Variants in DYNC2H1 observed in about 807,000 individuals in gnomAD.
DYNC2H1 encodes the protein dynein cytoplasmic 2 heavy chain 1, also known as cytoplasmic dynein 2 heavy chain 1.
Under a neutral mutation model 570.0 loss-of-function variants are expected in DYNC2H1, and 410 were observed. The observed-to-expected ratio is 0.72, with a 90% confidence interval of 0.66 to 0.78. The LOEUF is 0.78. Among genes scored for constraint, DYNC2H1 ranks in the 30% least tolerant of loss-of-function variants. The pLI, the probability that DYNC2H1 is intolerant of heterozygous loss-of-function variation, is 0.00. For missense variants in DYNC2H1, 4,865 were observed against 5,046.4 expected, an observed-to-expected ratio of 0.96 and a Z score of 1.09; for synonymous variants, 1,688 against 1,677.6, an observed-to-expected ratio of 1.01 and a Z score of -0.15.
rs1268615117 is a variant in DYNC2H1, at chr11:103,326,824, C to G, written c.12039+2834C>G. Among the ~76,000 whole-genome samples the G allele has an allele frequency of 2.0e-5, 3 of 152,144 alleles. No homozygotes were observed. The highest frequency in any genetic ancestry group is 4.4e-5 in the Non-Finnish European group (3 of 67,992). On this transcript the variant is annotated intron_variant, in intron 82 of 88. Transcript: ENST00000375735. The surrounding 1 kb of genome is among the most constrained non-coding windows in gnomAD (Gnocchi z 6.1). ...TGGCAGTCAGCTGATGCTAGAGCCT[C>G]TAGGAGGGTGATGAGGACCCCTGGG...
intron 12 of DYNC2H1, among the ~76,000 whole-genome samples, chr11:103,127,132 A>G (rs749482985): frequency 2.0e-5 from 3 of 152,184 alleles, no homozygotes; most frequent in African/African-American, 7.2e-5. Flanking sequence ...AAGAGTGTAC[A>G]TATGTTTTTC....
chr11:103,143,463 C>A (rs1860074009), intron 18 of DYNC2H1, 68 bp downstream of exon 18: 1 of 1,442,824 alleles, frequency 6.9e-7, no homozygotes, highest in East Asian at 2.4e-5. Context: ...AGGGAGCTCT[C>A]TACTTAGTGG....
intron 85 of DYNC2H1, among the ~76,000 whole-genome samples, chr11:103,444,540 C>G (rs995811435): frequency 3.3e-5 from 5 of 152,048 alleles, no homozygotes; most frequent in Admixed American, 2.0e-4. Context: ...AGGCAAATAA[C>G]AGATCCTGGC....
At position 103,152,181 on chromosome 11, in the gene DYNC2H1, C is replaced by T. The variant is rs756008276; in HGVS notation, c.2992C>T (p.Arg998Ter). The change falls in exon 21 of 89, where the codon CGA becomes TGA. Residue 998 changes from arginine (R) to a stop codon, truncating the protein, a stop_gained. Coordinates refer to ENST00000375735, the MANE Select transcript of DYNC2H1 (RefSeq NM_001377.3). LOFTEE classifies it high-confidence loss of function. ...AGCTGAAGACAAAAACAGACTTTTACGAACTGTGGCTGGTGGAGGTTTAGA... is the reference window on the plus strand; with the variant it reads ...AGCTGAAGACAAAAACAGACTTTTATGAACTGTGGCTGGTGGAGGTTTAGA... Reference protein sequence around the residue: ...QEAEDKNRLLRTVAGGGLETI... With the variant: ...QEAEDKNRLL The T allele has an allele frequency of 1.1e-5, 18 of 1,603,052 alleles. No homozygotes were observed. The highest frequency in any genetic ancestry group is 3.4e-5 in the Admixed American group (2 of 59,158).
intron 83 of DYNC2H1, among the ~76,000 whole-genome samples, chr11:103,388,134 A>G (rs1047481618): frequency 6.6e-6 from 1 of 152,190 alleles, no homozygotes; most frequent in African/African-American, 2.4e-5. Context: ...CCTACCCATG[A>G]GCATGGAATG....
chr11:103,285,411 CT>C (rs1343737136), intron 73 of DYNC2H1, among the ~76,000 whole-genome samples: 3 of 117,254 alleles, frequency 2.6e-5, no homozygotes, highest in African/African-American at 3.2e-5. Flanking sequence ...AGGAATTTTT[CT>C]TTTTTTCTTT....
chr11:103,199,333 G>T lies in DYNC2H1; in HGVS notation c.7945G>T (p.Gly2649Cys), dbSNP rs758155107. 13 of 1,611,896 alleles carry T rather than the reference G, an allele frequency of 8.1e-6. No individual in the cohort carries two copies. The highest frequency in any genetic ancestry group is 2.7e-5 in the African/African-American group (2 of 74,840). ...RIDRVLSFPGGSLLLAGRSGV... is the reference protein window; with the variant it reads ...RIDRVLSFPGCSLLLAGRSGV... Reference sequence around the variant, plus strand: ...AGATAGAGTGCTGAGTTTCCCTGGAGGTTCACTTCTATTAGCAGGACGCAG... The same window carrying T: ...AGATAGAGTGCTGAGTTTCCCTGGATGTTCACTTCTATTAGCAGGACGCAG... The change falls in exon 49 of 89, where the codon GGT becomes TGT. Residue 2649 changes from glycine (G) to cysteine (C), a missense_variant. This residue lies in a region of DYNC2H1 where 2,401 missense variants were observed against 2,454.6 expected (regional missense o/e 0.98). Transcript: ENST00000375735. This position sits in a 1 kb window ranked among gnomAD's most constrained non-coding sequence, Gnocchi z 4.6.
chr11:103,451,159 C>T (rs1179361875), intron 85 of DYNC2H1, among the ~76,000 whole-genome samples: 3 of 151,756 alleles, frequency 2.0e-5, no homozygotes, highest in African/African-American at 4.8e-5. Context: ...GGTTTTTAGC[C>T]CAACAGAATA....
At chr11:103,144,477 T>C (rs866599343) in intron 18 of DYNC2H1, among the ~76,000 whole-genome samples, 60 of 152,268 alleles carry the variant, frequency 3.9e-4, no homozygotes, top group African/African-American at 1.4e-3. Flanking sequence ...AAATCTTTGT[T>C]AGGATAGTAA....
rs1862658159 is a variant in DYNC2H1, at chr11:103,200,112, C to T, written c.8155C>T (p.His2719Tyr). Residue 2719 changes from histidine to tyrosine, a missense_variant, in exon 50 of 89, where the codon CAT (histidine) becomes TAT (tyrosine). His to Tyr is a moderately conservative substitution (Grantham distance 83). This residue lies in a region of DYNC2H1 where 2,401 missense variants were observed against 2,454.6 expected (regional missense o/e 0.98). Transcript: ENST00000375735. Reference protein sequence around the residue: ...VLLLEDYQFVHPTFLEMINSL... With the variant: ...VLLLEDYQFVYPTFLEMINSL... ...ACTTCTTGAGGATTACCAGTTTGTACATCCTACATTTTTGGAGATGATCAA... is the reference window on the plus strand; with the variant it reads ...ACTTCTTGAGGATTACCAGTTTGTATATCCTACATTTTTGGAGATGATCAA... The T allele has an allele frequency of 1.3e-6, 2 of 1,587,308 alleles. No homozygotes were observed.
rs369833514 is a variant in DYNC2H1, at chr11:103,143,274, A to C, written c.2581A>C (p.Ile861Leu). Residue 861 changes from isoleucine to leucine, a missense_variant, in exon 18 of 89, where the codon ATT (isoleucine) becomes CTT (leucine). Ile to Leu is a conservative substitution (Grantham distance 5). Transcript: ENST00000375735. ...SAVLHQHKEW[I>L]VIGQVDMEAL... ...TTTTTCTTTCTTTAAATAGGAATGG[A>C]TTGTAATTGGGCAAGTTGATATGGA... 1.9e-5 allele frequency: 30 copies of C among 1,613,102 alleles called. No homozygotes were observed. In the African/African-American group the frequency reaches 3.9e-4, roughly 21 times the overall value.
chr11:103,353,483 AATTTT>A (rs1287126388), intron 82 of DYNC2H1, among the ~76,000 whole-genome samples: 1 of 152,138 alleles, frequency 6.6e-6, no homozygotes, highest in Non-Finnish European at 1.5e-5. Context: ...ATCTTCTGGT[AATTTT>A]ATTATCTACA....
At position 103,133,769 on chromosome 11, in the gene DYNC2H1, T is replaced by C. The variant is rs143649204; in HGVS notation, c.2106+62T>C. The C allele has an allele frequency of 5.7e-3, 8,167 of 1,437,234 alleles. 24 individuals are homozygous for C. Among genetic ancestry groups the C allele is most frequent in the Non-Finnish European group, 6.8e-3 (7,326 of 1,077,014 alleles). The allele number at this position is 1,437,234 out of a possible 1,614,324, so 89.0% of individuals were successfully genotyped here. A position where few individuals can be genotyped will look rare whatever the true frequency, so the allele number is the denominator to read the frequency against. The stretch of plus-strand genomic sequence containing the variant: ...GATATTATTTAAAAAGTCATTAAGA[T>C]ACAATTTTTAAAAACTTATTTTGAA... On this transcript the variant is annotated intron_variant, in intron 14 of 88. Transcript: ENST00000375735. The surrounding 1 kb of genome is among the most constrained non-coding windows in gnomAD (Gnocchi z 4.8).
chr11:103,183,859 A>G (rs976084002), intron 40 of DYNC2H1, among the ~76,000 whole-genome samples: 2 of 151,878 alleles, frequency 1.3e-5, no homozygotes, highest in African/African-American at 4.8e-5. Context: ...CGATGTTTTT[A>G]AAATGTAAAC....
chr11:103,156,149 G>T (rs1165957171), intron 25 of DYNC2H1, among the ~76,000 whole-genome samples: 1 of 151,964 alleles, frequency 6.6e-6, no homozygotes, highest in Non-Finnish European at 1.5e-5. Context: ...AAAAGCATAA[G>T]GCAGAACTTT....
rs928763186 is a variant in DYNC2H1 at position 103,177,216 on chromosome 11, A to AGAAT, written c.5875-323_5875-320dup. Among the ~76,000 whole-genome samples, 10 of 152,168 alleles carry AGAAT rather than the reference A, an allele frequency of 6.6e-5. No individual in the cohort carries two copies. The highest frequency in any genetic ancestry group is 1.9e-4 in the East Asian group (1 of 5,204). ...CTCAGTTTTGGAGAGAAGTAAGATA[A>AGAAT]GAATGAATGAATGAATGAATAAGTG... On this transcript the variant is annotated intron_variant, in intron 37 of 88. Transcript: ENST00000375735. The surrounding 1 kb of genome is among the most constrained non-coding windows in gnomAD (Gnocchi z 4.4).
At chr11:103,109,816 C>A in intron 1 of DYNC2H1, 47 bp downstream of exon 1, 1 of 1,560,526 alleles carries the variant, frequency 6.4e-7, no homozygotes, top group Non-Finnish European at 8.7e-7. Flanking sequence ...CTCTTCAAGT[C>A]CCCAGGCCCA....
intron 84 of DYNC2H1, among the ~76,000 whole-genome samples, chr11:103,414,077 A>AT (rs1450917279): frequency 2.0e-5 from 3 of 152,134 alleles, no homozygotes; most frequent in Non-Finnish European, 4.4e-5. Flanking sequence ...TAACACAATG[A>AT]TAAAAATGAA....
chr11:103,464,914 A>AT, intron 87 of DYNC2H1, among the ~76,000 whole-genome samples: 1 of 152,350 alleles, frequency 6.6e-6, no homozygotes, highest in South Asian at 2.1e-4. Context: ...TTTAACTTAA[A>AT]TTTAAGTAGC....
Sources: allele counts gnomAD v4.1 joint callset (sites outside exome capture counted in the v4.1 genomes callset), GRCh38; gene constraint gnomAD v4.1.1; regional missense constraint gnomAD v4.1.1; non-coding constraint Gnocchi (gnomAD v3.1); transcripts MANE v1.5; gene names NCBI Gene and HGNC (gene_info 2026-07-23, HGNC 2026-07-21).